The following VMA12 variants were observed in gnomAD, a reference collection of about 807,000 sequenced individuals.
The protein encoded by VMA12 is vacuolar ATPase assembly protein VMA12.
At chr17:28,361,819 C>A in the VMA12 span, 3 of 154,186 alleles carry the variant, frequency 1.9e-5, no homozygotes, top group African/African-American at 7.2e-5. Flanking sequence ...AAGGCAGCTA[C>A]CTTTTTGCAA....
chr17:28,360,696 T>C, the VMA12 span: 1 of 1,606,538 alleles, frequency 6.2e-7, no homozygotes, highest in Non-Finnish European at 8.5e-7. Context: ...TCCTAGAGAA[T>C]GTTGAACTAA....
At chr17:28,363,046 G>A in the VMA12 span, 16 of 152,248 alleles carry the variant, frequency 1.1e-4, no homozygotes, top group African/African-American at 3.4e-4. Flanking sequence ...GAGTTTTTAC[G>A]ATGTGTTACA....
the VMA12 span, chr17:28,357,843 G>T: frequency 2.5e-6 from 4 of 1,614,088 alleles, no homozygotes; most frequent in South Asian, 4.4e-5. Flanking sequence ...GTTTCTTTCC[G>T]TCTCATCCGG....
the VMA12 span, chr17:28,358,838 A>G: frequency 4.5e-6 from 5 of 1,118,404 alleles, no homozygotes; most frequent in Non-Finnish European, 6.5e-6. Context: ...GGTAGAAAGA[A>G]GGGCTACACC....
chr17:28,360,454 G>C, the VMA12 span: 4 of 1,233,332 alleles, frequency 3.2e-6, no homozygotes, highest in East Asian at 7.8e-5. Flanking sequence ...GGAATAGAGA[G>C]GGCTGAGCCA....
chr17:28,359,080 A>G, the VMA12 span: 1 of 1,309,242 alleles, frequency 7.6e-7, no homozygotes, highest in South Asian at 1.4e-5. Context: ...TTTAGGCTTG[A>G]AAAATTGTTT....
chr17:28,358,517 C>T, the VMA12 span: 2 of 474,768 alleles, frequency 4.2e-6, no homozygotes, highest in Non-Finnish European at 8.7e-6. Flanking sequence ...AAAGGGTAGA[C>T]TGCTCAATTA....
the VMA12 span, chr17:28,360,297 A>G: frequency 6.3e-6 from 3 of 477,084 alleles, no homozygotes; most frequent in African/African-American, 3.9e-5. Flanking sequence ...CTACTACTCT[A>G]TGGCATGCTC....
the VMA12 span, chr17:28,357,719 C>T: frequency 1.2e-6 from 2 of 1,613,268 alleles, no homozygotes; most frequent in East Asian, 2.2e-5. Flanking sequence ...TGCTTTGGGC[C>T]CCGGCGGGGA....
the VMA12 span, chr17:28,359,596 A>G: frequency 6.1e-6 from 3 of 494,650 alleles, no homozygotes; most frequent in Admixed American, 3.4e-5. Flanking sequence ...ATGGTGACCA[A>G]GTTTTAAACG....
chr17:28,358,831 A>G, the VMA12 span: 1 of 1,056,000 alleles, frequency 9.5e-7, no homozygotes. Flanking sequence ...TTATTTTGGT[A>G]GAAAGAAGGG....
the VMA12 span, chr17:28,360,506 C>T: frequency 1.2e-6 from 2 of 1,613,210 alleles, no homozygotes; most frequent in Non-Finnish European, 1.7e-6. Context: ...TATTCTGAAT[C>T]ATCTTCTTTT....
chr17:28,360,935 T>C, the VMA12 span: 2 of 1,169,526 alleles, frequency 1.7e-6, no homozygotes, highest in Non-Finnish European at 2.5e-6. Context: ...TTGCACAGGT[T>C]AGGTATTGAA....
At chr17:28,360,546 G>T in the VMA12 span, 10 of 1,614,048 alleles carry the variant, frequency 6.2e-6, no homozygotes, top group Non-Finnish European at 8.5e-6. Context: ...GACATGGTGG[G>T]ACTCTCAGCG....
At chr17:28,361,158 G>T in the VMA12 span, 2 of 1,614,076 alleles carry the variant, frequency 1.2e-6, no homozygotes, top group Non-Finnish European at 1.7e-6. Flanking sequence ...CATCTCCAGC[G>T]GGTGCTAGCT....
chr17:28,357,655 G>C, the VMA12 span: 6 of 1,610,608 alleles, frequency 3.7e-6, no homozygotes, highest in Non-Finnish European at 5.1e-6. Flanking sequence ...TCACCTGACC[G>C]GAGAGCCGGC....
At chr17:28,361,340 T>G in the VMA12 span, 6 of 1,304,070 alleles carry the variant, frequency 4.6e-6, no homozygotes, top group Non-Finnish European at 6.6e-6. Flanking sequence ...CATCAGACTT[T>G]TTGTATTCAG....
At chr17:28,357,699 G>T in the VMA12 span, 1 of 1,612,998 alleles carries the variant, frequency 6.2e-7, no homozygotes, top group Non-Finnish European at 8.5e-7. Flanking sequence ...GCGGGCGAGC[G>T]ATTGGTGCGT....
the VMA12 span, among the ~76,000 whole-genome samples, chr17:28,359,912 A>AAAAT: frequency 0.017 from 2,547 of 152,002 alleles, 74 homozygotes; most frequent in African/African-American, 0.056. Flanking sequence ...ACTCCATCTC[A>AAAAT]AAATAAATAA....
Sources: gnomAD v4.1 joint callset for allele counts (sites outside exome capture counted in the v4.1 genomes callset) on GRCh38, gnomAD v4.1.1 for gene constraint, MANE v1.5 for transcripts, NCBI Gene and HGNC (gene_info 2026-07-23, HGNC 2026-07-21) for gene names.